The following WDPCP variants were observed in gnomAD, a reference collection of about 807,000 sequenced individuals.
WDPCP encodes the protein WD repeat-containing and planar cell polarity effector protein fritz homolog.
A neutral mutation model predicts 93.1 loss-of-function variants in WDPCP; 71 were observed. That is an observed-to-expected ratio of 0.76 (90% CI 0.63 to 0.93). The LOEUF is 0.93. WDPCP is among the 40% of genes least tolerant of loss of function. The pLI, the probability that WDPCP is intolerant of heterozygous loss-of-function variation, is 0.00. For missense variants in WDPCP, 844 were observed against 887.4 expected (o/e 0.95, Z 0.62); for synonymous variants, 315 against 315.0 (o/e 1.00, Z 0.00).
chr2:63,707,455 C>T (rs893247570), intron 2 of WDPCP, among the ~76,000 whole-genome samples: 29 of 152,298 alleles, frequency 1.9e-4, no homozygotes, highest in Middle Eastern at 3.4e-3. Flanking sequence ...ACGTAGATCT[C>T]GTGCCATGGT....
intron 13 of WDPCP, among the ~76,000 whole-genome samples, chr2:63,294,625 C>T (rs1269490300): frequency 6.7e-6 from 1 of 150,070 alleles, no homozygotes; most frequent in Non-Finnish European, 1.5e-5. Flanking sequence ...CCCAGATAAA[C>T]CTAAACTAAG....
At chr2:63,277,417 A>T (rs1683172500) in intron 13 of WDPCP, among the ~76,000 whole-genome samples, 1 of 152,222 alleles carries the variant, frequency 6.6e-6, no homozygotes, top group Non-Finnish European at 1.5e-5. Context: ...ATTAATGTTG[A>T]ATGTAAATGG....
At chr2:63,384,522 C>T (rs1692573629) in intron 10 of WDPCP, among the ~76,000 whole-genome samples, 1 of 152,010 alleles carries the variant, frequency 6.6e-6, no homozygotes, top group African/African-American at 2.4e-5. Flanking sequence ...TGCACCAATG[C>T]ACACACATAA....
chr2:63,357,235 C>T (rs879774199), intron 12 of WDPCP, among the ~76,000 whole-genome samples: 1 of 151,994 alleles, frequency 6.6e-6, no homozygotes, highest in Non-Finnish European at 1.5e-5. Context: ...GACAAAGACA[C>T]CAAAAGCAAC....
intron 10 of WDPCP, among the ~76,000 whole-genome samples, chr2:63,395,105 A>G (rs1273788374): frequency 6.6e-6 from 1 of 152,200 alleles, no homozygotes; most frequent in Non-Finnish European, 1.5e-5. Context: ...AAAATACAGA[A>G]ATACATACTA....
chr2:63,414,741 G>A (rs1342133324), intron 9 of WDPCP, among the ~76,000 whole-genome samples: 2 of 152,158 alleles, frequency 1.3e-5, no homozygotes. Flanking sequence ...AGTGGAAGGG[G>A]AGAAGCGATA....
At chr2:63,788,130 GATAT>G (rs1318817659) in intron 2 of WDPCP, among the ~76,000 whole-genome samples, 1 of 152,124 alleles carries the variant, frequency 6.6e-6, no homozygotes, top group East Asian at 1.9e-4. Flanking sequence ...AAGAACTCAT[GATAT>G]CTAGCATATC....
upstream of WDPCP, among the ~76,000 whole-genome samples, chr2:63,589,615 A>G (rs375553890): frequency 5.3e-5 from 8 of 152,332 alleles, no homozygotes; most frequent in South Asian, 6.2e-4. Flanking sequence ...TAATGCCAGG[A>G]TATATTGAAG....
At chr2:63,794,265 T>C (rs910754698) in intron 2 of WDPCP, among the ~76,000 whole-genome samples, 5 of 152,152 alleles carry the variant, frequency 3.3e-5, no homozygotes, top group Admixed American at 1.3e-4. Context: ...CAATGTACAG[T>C]AGCCATATGT....
chr2:63,286,271 G>T (rs1683996290), intron 13 of WDPCP, among the ~76,000 whole-genome samples: 1 of 152,156 alleles, frequency 6.6e-6, no homozygotes, highest in South Asian at 2.1e-4. Flanking sequence ...CATCCAGATG[G>T]CCTGAAGCAA....
chr2:63,670,269 C>A (rs1710329699), intron 2 of WDPCP, among the ~76,000 whole-genome samples: 1 of 152,182 alleles, frequency 6.6e-6, no homozygotes, highest in South Asian at 2.1e-4. Flanking sequence ...AGTTCTGCTG[C>A]AGTCGTGGCG....
At chr2:63,268,357 C>G (rs994420134) in intron 13 of WDPCP, among the ~76,000 whole-genome samples, 1 of 152,010 alleles carries the variant, frequency 6.6e-6, no homozygotes, top group African/African-American at 2.4e-5. Flanking sequence ...TCAAAACATA[C>G]AAAGTTTCAG....
chr2:63,806,165 C>T (rs1180161876), intron 2 of WDPCP, among the ~76,000 whole-genome samples: 1 of 152,184 alleles, frequency 6.6e-6, no homozygotes, highest in Non-Finnish European at 1.5e-5. Context: ...AGGGAACCTG[C>T]CCTGATATTC....
At chr2:63,588,954 G>T, upstream of WDPCP, 4 of 1,583,604 alleles carry the variant, frequency 2.5e-6, no homozygotes, top group Non-Finnish European at 3.5e-6. Context: ...AACACCGCTC[G>T]CCCTCTCCGA....
chr2:63,342,512 T>C (rs1323296620), intron 12 of WDPCP, among the ~76,000 whole-genome samples: 1 of 152,214 alleles, frequency 6.6e-6, no homozygotes, highest in Admixed American at 6.5e-5. Flanking sequence ...TTCATTGCCT[T>C]TTCTGTATAT....
At chr2:63,628,042 C>A (rs765667462) in intron 3 of WDPCP, among the ~76,000 whole-genome samples, 1 of 152,212 alleles carries the variant, frequency 6.6e-6, no homozygotes, top group Non-Finnish European at 1.5e-5. Flanking sequence ...CAGACTGGAT[C>A]CTGCCGCGAG....
At chr2:63,387,986 A>C (rs1258194354) in intron 10 of WDPCP, among the ~76,000 whole-genome samples, 1 of 152,186 alleles carries the variant, frequency 6.6e-6, no homozygotes, top group Non-Finnish European at 1.5e-5. Context: ...ACACAAACAA[A>C]TGGAAAAACA....
At chr2:63,716,849 A>C (rs1481714668) in intron 2 of WDPCP, among the ~76,000 whole-genome samples, 1 of 152,240 alleles carries the variant, frequency 6.6e-6, no homozygotes, top group African/African-American at 2.4e-5. Context: ...GAGTGAGGCA[A>C]AGAAACAACA....
At chr2:63,711,800 TA>T (rs1669267926) in intron 2 of WDPCP, among the ~76,000 whole-genome samples, 1 of 152,132 alleles carries the variant, frequency 6.6e-6, no homozygotes, top group Non-Finnish European at 1.5e-5. Context: ...AAATAGCTTC[TA>T]ATGGATTAGG....
Sources: allele counts gnomAD v4.1 joint callset (sites outside exome capture counted in the v4.1 genomes callset), GRCh38; gene constraint gnomAD v4.1.1; transcripts MANE v1.5; gene names NCBI Gene and HGNC (gene_info 2026-07-23, HGNC 2026-07-21).